C6: variants seen among roughly 807,000 people sequenced by gnomAD.
C6 encodes the protein complement component C6.
In C6, 101 loss-of-function variants were observed where a neutral mutation model predicts 112.9. That is an observed-to-expected ratio of 0.89 (90% confidence interval 0.76 to 1.06). The LOEUF (loss-of-function observed/expected upper bound fraction) is 1.06, where lower values mean the gene tolerates loss of function less well. C6 is among the 50% of genes least tolerant of loss of function. C6 has a pLI of 0.00. For synonymous variants in C6, 431 were observed against 384.1 expected (o/e 1.12, Z -1.43); for missense variants, 1,202 against 1,104.6 (o/e 1.09, Z -1.25).
intron 1 of C6, among the ~76,000 whole-genome samples, chr5:41,247,002 A>T (rs1741061111): frequency 6.6e-6 from 1 of 152,202 alleles, no homozygotes; most frequent in South Asian, 2.1e-4. Context: ...AATAATAAAA[A>T]TTTTGGTTAG....
chr5:41,155,246 T>C, intron 13 of C6, 142 bp from the exon 14 acceptor site: 1 of 747,824 alleles, frequency 1.3e-6, no homozygotes, highest in South Asian at 1.8e-5. Flanking sequence ...TCTAAAAACC[T>C]GTTAAAGTTC....
At chr5:41,144,442 C>T (rs543338902) in intron 17 of C6, among the ~76,000 whole-genome samples, 1 of 152,078 alleles carries the variant, frequency 6.6e-6, no homozygotes, top group South Asian at 2.1e-4. Flanking sequence ...TAATCTATTA[C>T]TCTTTGTAGA....
chr5:41,201,493 C>T, intron 3 of C6, 65 bp downstream of exon 3: 1 of 1,454,072 alleles, frequency 6.9e-7, no homozygotes, highest in Non-Finnish European at 9.6e-7. Flanking sequence ...TGCTGTTAAG[C>T]CTGTCAGGGA....
At chr5:41,164,236 G>A (rs1052451707) in intron 9 of C6, among the ~76,000 whole-genome samples, 17 of 152,164 alleles carry the variant, frequency 1.1e-4, no homozygotes, top group African/African-American at 3.4e-4. Context: ...TACTGAGTTA[G>A]GAAAATGAAA....
At chr5:41,154,512 T>C (rs1746712990) in intron 14 of C6, among the ~76,000 whole-genome samples, 1 of 152,238 alleles carries the variant, frequency 6.6e-6, no homozygotes, top group African/African-American at 2.4e-5. Context: ...TCTTTCTCAG[T>C]AAAGAATGTG....
intron 1 of C6, among the ~76,000 whole-genome samples, chr5:41,207,931 C>T (rs1751571102): frequency 6.6e-6 from 1 of 152,174 alleles, no homozygotes; most frequent in East Asian, 1.9e-4. Context: ...ATATATTCTT[C>T]TCAGCACCAC....
At chr5:41,145,221 T>C (rs1389845255) in intron 17 of C6, among the ~76,000 whole-genome samples, 1 of 152,230 alleles carries the variant, frequency 6.6e-6, no homozygotes, top group East Asian at 1.9e-4. Context: ...GCAGATCTTT[T>C]ATTTAGCTAA....
intron 1 of C6, among the ~76,000 whole-genome samples, chr5:41,252,206 T>C (rs958889476): frequency 6.6e-6 from 1 of 152,252 alleles, no homozygotes; most frequent in African/African-American, 2.4e-5. Flanking sequence ...GAGCATTGTG[T>C]ATTCAAAGAA....
intron 2 of C6, 152 bp downstream of exon 2, chr5:41,202,936 A>G: frequency 1.2e-6 from 1 of 806,510 alleles, no homozygotes; most frequent in Non-Finnish European, 2.1e-6. Flanking sequence ...TTTCAACCTC[A>G]TAAGAGAGAG....
At chr5:41,159,498 T>C (rs1747264389) in intron 11 of C6, 1 of 983,974 alleles carries the variant, frequency 1.0e-6, no homozygotes, top group Admixed American at 6.2e-5. Context: ...TTATGAATTA[T>C]TTTCAACTGT....
At chr5:41,242,025 T>G (rs1272047613) in intron 1 of C6, among the ~76,000 whole-genome samples, 1 of 152,164 alleles carries the variant, frequency 6.6e-6, no homozygotes, top group Non-Finnish European at 1.5e-5. Context: ...ATAGTTACCT[T>G]GAATAATATT....
chr5:41,155,142 G>T, intron 13 of C6, 38 bp from the exon 14 acceptor site: 1 of 1,571,550 alleles, frequency 6.4e-7, no homozygotes, highest in African/African-American at 1.3e-5. Flanking sequence ...TTAATGCTAT[G>T]AATAACACTC....
chr5:41,187,699 T>TACACAC (rs201227440), intron 5 of C6, among the ~76,000 whole-genome samples: 29,380 of 123,104 alleles, frequency 0.24, 2,799 homozygotes, highest in Admixed American at 0.3. Flanking sequence ...GACACACACA[T>TACACAC]ACACACACAC....
chr5:41,225,945 A>G (rs915800267), intron 1 of C6, among the ~76,000 whole-genome samples: 5 of 152,200 alleles, frequency 3.3e-5, no homozygotes, highest in Non-Finnish European at 7.3e-5. Flanking sequence ...TTATACAAAA[A>G]TTAATTCAAG....
intron 1 of C6, among the ~76,000 whole-genome samples, chr5:41,208,096 T>A (rs2150382029): frequency 6.6e-6 from 1 of 152,328 alleles, no homozygotes; most frequent in South Asian, 2.1e-4. Context: ...ACATGGAAAC[T>A]GAACAACCTG....
Position 41,181,445 on chromosome 5 carries a change from C to A in C6, c.841G>T (p.Val281Leu). Residue 281 changes from valine to leucine, a missense_variant, in exon 7 of 18, where the codon GTA becomes TTA. Val to Leu is a conservative substitution (Grantham distance 32, BLOSUM62 1). Coordinates refer to ENST00000337836, the MANE Select transcript of C6 (RefSeq NM_000065.5). The stretch of plus-strand genomic sequence containing the variant: ...CTCTTTGAGGAATAAAAAATTGGTA[C>A]ACTGAAAGAGCTCCCCCCCTGACTT... ...FSSQGGSSFSVPIFYSSKRSE... is the reference protein window; with the variant it reads ...FSSQGGSSFSLPIFYSSKRSE... 1 of 1,613,772 alleles carries A rather than the reference C, an allele frequency of 6.2e-7. No homozygotes were observed. Among genetic ancestry groups the A allele is most frequent in the Non-Finnish European group, 8.5e-7 (1 of 1,179,830 alleles).
At chr5:41,190,125 T>A (rs1750083554) in intron 5 of C6, among the ~76,000 whole-genome samples, 1 of 152,174 alleles carries the variant, frequency 6.6e-6, no homozygotes, top group Admixed American at 6.5e-5. Flanking sequence ...GGATGTATGC[T>A]CAGTAGTGGG....
At chr5:41,199,035 T>G (rs545582254) in intron 4 of C6, among the ~76,000 whole-genome samples, 1 of 152,142 alleles carries the variant, frequency 6.6e-6, no homozygotes, top group Non-Finnish European at 1.5e-5. Flanking sequence ...GGGAAAACCC[T>G]GACCCCAGCA....
intron 1 of C6, among the ~76,000 whole-genome samples, chr5:41,241,094 G>A (rs1420758256): frequency 1.3e-5 from 2 of 152,176 alleles, no homozygotes; most frequent in Admixed American, 6.5e-5. Flanking sequence ...GGCATGCATA[G>A]GAATAGGCTG....
Sources: gnomAD v4.1 joint callset for allele counts (sites outside exome capture counted in the v4.1 genomes callset) on GRCh38, gnomAD v4.1.1 for gene constraint, MANE v1.5 for transcripts, NCBI Gene and HGNC (gene_info 2026-07-23, HGNC 2026-07-21) for gene names.